Variants in HDAC5 observed in about 807,000 individuals in gnomAD.
The protein encoded by HDAC5 is histone deacetylase 5, also known as antigen NY-CO-9.
A neutral mutation model predicts 133.3 loss-of-function variants in HDAC5; 25 were observed. The ratio of observed to expected loss-of-function variants is 0.19; its 90% CI spans 0.14 to 0.26. The LOEUF is 0.26. Among genes scored for constraint, HDAC5 ranks in the 10% least tolerant of loss-of-function variants. HDAC5 has a pLI of 1.00. For missense variants in HDAC5, 1,041 were observed against 1,460.5 expected, an observed-to-expected ratio of 0.71 and a Z score of 4.68; for synonymous variants, 589 against 610.8, an observed-to-expected ratio of 0.96 and a Z score of 0.53.
chr17:44,104,872 C>T (rs770025406), intron 3 of HDAC5, among the ~76,000 whole-genome samples: 3 of 152,162 alleles, frequency 2.0e-5, no homozygotes, highest in Admixed American at 6.6e-5. Context: ...ATAGGAGGCC[C>T]TAAGCCCCTC....
intron 1 of HDAC5, among the ~76,000 whole-genome samples, chr17:44,122,202 C>T (rs886186567): frequency 6.6e-6 from 1 of 152,116 alleles, no homozygotes; most frequent in African/African-American, 2.4e-5. Flanking sequence ...CCAGCATAGG[C>T]TCAGGGTGCC....
intron 3 of HDAC5, among the ~76,000 whole-genome samples, chr17:44,108,681 C>T (rs951628344): frequency 4.3e-5 from 6 of 139,364 alleles, no homozygotes; most frequent in African/African-American, 1.6e-4. Flanking sequence ...CGTGTTTATC[C>T]GGGGTGGATT....
intron 2 of HDAC5, among the ~76,000 whole-genome samples, chr17:44,115,581 C>A (rs534635756): frequency 6.6e-6 from 1 of 152,140 alleles, no homozygotes; most frequent in Non-Finnish European, 1.5e-5. Context: ...GGGAGGCTGA[C>A]TATCTCCCTG....
At chr17:44,078,735 T>C in intron 25 of HDAC5, 60 bp downstream of exon 25, 1 of 1,610,710 alleles carries the variant, frequency 6.2e-7, no homozygotes, top group Non-Finnish European at 8.5e-7. Flanking sequence ...CCAGTCCTGG[T>C]GCTCCCACAA....
At chr17:44,119,817 C>T (rs917788889) in intron 1 of HDAC5, among the ~76,000 whole-genome samples, 3 of 152,132 alleles carry the variant, frequency 2.0e-5, no homozygotes, top group Non-Finnish European at 4.4e-5. Flanking sequence ...CCCACATCTG[C>T]CAGAGAAATC....
In HDAC5 at chr17:44,093,493, G is replaced by A. The variant is rs1386606701; in HGVS notation, c.355-8C>T. ...CAGCATCTCCTGCTGCTGCTGCAGG[G>A]GCATGGGAACGGAGGCACAAGTGAG... On this transcript the variant is annotated splice_polypyrimidine_tract_variant and splice_region_variant and intron_variant, in intron 4 of 26. Transcript: ENST00000682912. 1 of 1,605,712 alleles carries A rather than the reference G, an allele frequency of 6.2e-7. No homozygotes were observed. The highest frequency in any genetic ancestry group is 2.2e-5 in the East Asian group (1 of 44,814).
At chr17:44,099,077 T>C (rs1386764696) in intron 3 of HDAC5, among the ~76,000 whole-genome samples, 3 of 151,910 alleles carry the variant, frequency 2.0e-5, no homozygotes, top group East Asian at 1.9e-4. Flanking sequence ...GATCGCGACA[T>C]TGCACTCCAG....
In HDAC5 at chr17:44,091,351, C is replaced by A; in HGVS notation, c.1306G>T (p.Gly436Trp). 1 of 1,604,140 alleles carries A rather than the reference C, an allele frequency of 6.2e-7. No individual in the cohort carries two copies. The highest frequency in any genetic ancestry group is 8.5e-7 in the Non-Finnish European group (1 of 1,175,540). ...CLLGVALEGD[G>W]SPHGHASLLQ... ...AGGGAGGCATGCCCGTGGGGGCTCC[C>A]GTCGCCCTCCAGTGCCACGCCCAGC... The change falls in exon 11 of 27, where the codon GGG becomes TGG. Residue 436 changes from glycine to tryptophan, a missense_variant. Transcript: ENST00000682912.
chr17:44,117,441 C>T lies in HDAC5; in HGVS notation c.22+53G>A. 6.3e-7 allele frequency: 1 copy of T among 1,598,138 alleles called. No individual in the cohort carries two copies. Among genetic ancestry groups the T allele is most frequent in the Non-Finnish European group, 8.6e-7 (1 of 1,165,484 alleles). The stretch of plus-strand genomic sequence containing the variant: ...GCCTGGAAGGGAAACCCACACAGCC[C>T]ATTGCATCCGAAGCTACCCCAGGGT... On this transcript the variant is annotated intron_variant, in intron 2 of 26. Transcript: ENST00000682912. The surrounding 1 kb of genome is among the most constrained non-coding windows in gnomAD (Gnocchi z 4.2).
intron 3 of HDAC5, among the ~76,000 whole-genome samples, chr17:44,109,116 C>A (rs1598018525): frequency 6.6e-6 from 1 of 152,314 alleles, no homozygotes; most frequent in East Asian, 1.9e-4. Context: ...GAGGAAACTT[C>A]CGGCCAACTG....
At chr17:44,091,190 C>T in intron 11 of HDAC5, 80 bp downstream of exon 11, 3 of 1,055,046 alleles carry the variant, frequency 2.8e-6, no homozygotes, top group Middle Eastern at 2.0e-4. Flanking sequence ...CTAAGGGGAA[C>T]TGTGACAGGG....
chr17:44,078,685 A>T lies in HDAC5; in HGVS notation c.3164-20T>A. On this transcript the variant is annotated intron_variant, in intron 25 of 26. Transcript: ENST00000682912. ...GTTTGCCTGTGGACGAGAGACAGGC[A>T]AGGGGTCAGGGAGGGCAGAGGACAC... 1 of 1,605,726 alleles carries T rather than the reference A, an allele frequency of 6.2e-7. No homozygotes were observed. The highest frequency in any genetic ancestry group is 8.5e-7 in the Non-Finnish European group (1 of 1,177,132).
At chr17:44,111,242 C>G in intron 2 of HDAC5, 1 of 289,622 alleles carries the variant, frequency 3.5e-6, no homozygotes, top group South Asian at 3.3e-5. Flanking sequence ...GAGCCGCCGC[C>G]GGCAGCTGGC....
intron 18 of HDAC5, among the ~76,000 whole-genome samples, chr17:44,083,311 G>A (rs1415954989): frequency 6.6e-6 from 1 of 152,230 alleles, no homozygotes; most frequent in Non-Finnish European, 1.5e-5. Flanking sequence ...GGCTTGAGCA[G>A]GCAGACACTA....
At chr17:44,084,454 G>A (rs981736272) in intron 16 of HDAC5, 101 bp downstream of exon 16, 31 of 1,444,044 alleles carry the variant, frequency 2.1e-5, no homozygotes, top group East Asian at 9.2e-5. Flanking sequence ...CCCTATGCCC[G>A]TGGGGACAAC....
chr17:44,082,730 G>A (rs1254181944), intron 19 of HDAC5, 35 bp downstream of exon 19: 2 of 1,606,842 alleles, frequency 1.2e-6, no homozygotes, highest in Non-Finnish European at 8.5e-7. Flanking sequence ...GCAAGAGACA[G>A]GAAGGGGCGA....
chr17:44,115,549 C>G (rs986097404), intron 2 of HDAC5, among the ~76,000 whole-genome samples: 22 of 152,198 alleles, frequency 1.4e-4, no homozygotes, highest in African/African-American at 5.3e-4. Flanking sequence ...GACGCTAGGC[C>G]CCTCAGAAAG....
chr17:44,083,682 G>T, intron 17 of HDAC5, 30 bp from the exon 18 acceptor site: 1 of 1,594,974 alleles, frequency 6.3e-7, no homozygotes, highest in Non-Finnish European at 8.6e-7. Context: ...GTTTCAGTGT[G>T]CCCCCTGCAG....
chr17:44,079,337 A>T, intron 23 of HDAC5, 60 bp from the exon 24 acceptor site: 1 of 1,558,886 alleles, frequency 6.4e-7, no homozygotes, highest in Non-Finnish European at 8.8e-7. Flanking sequence ...TCAATTCAAG[A>T]GCCAGTAAGA....
Sources: gnomAD v4.1 joint callset for allele counts (sites outside exome capture counted in the v4.1 genomes callset) on GRCh38, gnomAD v4.1.1 for gene constraint, Gnocchi (gnomAD v3.1) non-coding constraint, MANE v1.5 for transcripts, NCBI Gene and HGNC (gene_info 2026-07-23, HGNC 2026-07-21) for gene names.